The following GRID1 variants were observed in gnomAD, a reference collection of about 807,000 sequenced individuals.
The protein encoded by GRID1 is glutamate receptor ionotropic, delta-1.
In GRID1, 28 loss-of-function variants were observed where a neutral mutation model predicts 98.0. The ratio of observed to expected loss-of-function variants is 0.29; its 90% confidence interval spans 0.21 to 0.39. GRID1 has a LOEUF of 0.39. Among genes scored for constraint, GRID1 ranks in the 10% least tolerant of loss-of-function variants. GRID1 has a pLI of 1.00. For synonymous variants in GRID1, 553 were observed against 538.5 expected (o/e 1.03, Z -0.37); for missense variants, 1,111 against 1,340.5 (o/e 0.83, Z 2.67).
chr10:85,693,069 A>G (rs1337541496), intron 12 of GRID1, among the ~76,000 whole-genome samples: 1 of 152,206 alleles, frequency 6.6e-6, no homozygotes, highest in Non-Finnish European at 1.5e-5. Context: ...ATATGGAGAA[A>G]GATTTGAGGG....
At position 85,675,787 on chromosome 10, in the gene GRID1, C is replaced by T. The variant is rs1717636462; in HGVS notation, c.1998-28390G>A. ...TAACCCACATAGACTAAATTGGAGG[C>T]ATCAGCTTCAGGTGTTCATGAGAAG... On this transcript the variant is annotated intron_variant, in intron 12 of 15. Transcript: ENST00000327946. Among the ~76,000 whole-genome samples the T allele has an allele frequency of 2.6e-5, 4 of 152,220 alleles. No homozygotes were observed. The South Asian group carries it at 8.3e-4, about 32-fold the overall frequency.
chr10:86,253,320 C>G (rs1385608066), intron 2 of GRID1, among the ~76,000 whole-genome samples: 2 of 152,172 alleles, frequency 1.3e-5, no homozygotes, highest in African/African-American at 4.8e-5. Flanking sequence ...GCTGGAGCCC[C>G]AGGACACAGG....
chr10:85,981,411 A>T (rs367750018), intron 4 of GRID1, among the ~76,000 whole-genome samples: 92 of 152,358 alleles, frequency 6.0e-4, no homozygotes, highest in African/African-American at 2.1e-3. Context: ...ATCTGGAAGC[A>T]GCTGGCTGCC....
chr10:86,043,577 G>A (rs1843377839), intron 4 of GRID1, among the ~76,000 whole-genome samples: 2 of 152,338 alleles, frequency 1.3e-5, no homozygotes, highest in African/African-American at 4.8e-5. Context: ...TGGGCAGGCT[G>A]CAGGCTATAG....
chr10:85,886,811 C>A (rs983864515), intron 5 of GRID1, among the ~76,000 whole-genome samples: 10 of 152,122 alleles, frequency 6.6e-5, no homozygotes, highest in African/African-American at 9.7e-5. Flanking sequence ...TTTGTCTGAT[C>A]TGCAAAACTT....
At chr10:86,353,782 G>C (rs1299052325) in intron 2 of GRID1, among the ~76,000 whole-genome samples, 1 of 152,210 alleles carries the variant, frequency 6.6e-6, no homozygotes, top group Non-Finnish European at 1.5e-5. Context: ...TGTGGGAGAG[G>C]TGAGTGAGGG....
chr10:86,158,438 A>G (rs1845276295), intron 3 of GRID1, among the ~76,000 whole-genome samples: 1 of 152,242 alleles, frequency 6.6e-6, no homozygotes, highest in Admixed American at 6.5e-5. Context: ...CACTGGAAGC[A>G]GCTGATGTGC....
At chr10:86,099,326 C>G (rs1401851540) in intron 4 of GRID1, among the ~76,000 whole-genome samples, 1 of 152,220 alleles carries the variant, frequency 6.6e-6, no homozygotes, top group African/African-American at 2.4e-5. Context: ...TTCACAAACA[C>G]ATGCAGATGC....
At position 86,366,007 on chromosome 10, in the gene GRID1, G is replaced by A. The variant is rs1277238138; in HGVS notation, c.79+307C>T. ...AGAAGGGCCCTCCCGACCCGCCGAC[G>A]GCCCCGCTAAGGGCGCGGGTCTCGA... On this transcript the variant is annotated intron_variant, in intron 1 of 15. Transcript: ENST00000327946. The surrounding 1 kb of genome is among the most constrained non-coding windows in gnomAD (Gnocchi z 4.1). Among the ~76,000 whole-genome samples the A allele has an allele frequency of 6.6e-6, 1 of 151,870 alleles. No homozygotes were observed. The highest frequency in any genetic ancestry group is 1.9e-4 in the East Asian group (1 of 5,134).
chr10:85,870,545 T>G (rs1843268587), intron 5 of GRID1, among the ~76,000 whole-genome samples: 1 of 152,168 alleles, frequency 6.6e-6, no homozygotes, highest in Non-Finnish European at 1.5e-5. Context: ...TAATACAGAT[T>G]TTGTTTCTGG....
intron 2 of GRID1, among the ~76,000 whole-genome samples, chr10:86,317,959 T>G (rs937668141): frequency 6.6e-6 from 1 of 152,184 alleles, no homozygotes; most frequent in African/African-American, 2.4e-5. Flanking sequence ...CAGGCTGGTC[T>G]TGAACTCCTG....
At chr10:86,330,815 C>T (rs1589451478) in intron 2 of GRID1, among the ~76,000 whole-genome samples, 1 of 152,230 alleles carries the variant, frequency 6.6e-6, no homozygotes, top group African/African-American at 2.4e-5. Context: ...AAGCCCGCTG[C>T]ACATGGGCAC....
rs935758030 is a variant in GRID1, at chr10:85,631,645, C to T, written c.2194-11612G>A. Among the ~76,000 whole-genome samples, 3 of 152,300 alleles carry T rather than the reference C, an allele frequency of 2.0e-5. No individual in the cohort carries two copies. The East Asian group carries it at 5.8e-4, about 29-fold the overall frequency. ...TATCAACAAAACTAGGGACTATAAACAACCTTGTCAGTAGGGCAAAGGGAC... is the reference window on the plus strand; with the variant it reads ...TATCAACAAAACTAGGGACTATAAATAACCTTGTCAGTAGGGCAAAGGGAC... On this transcript the variant is annotated intron_variant, in intron 13 of 15. Transcript: ENST00000327946.
intron 12 of GRID1, among the ~76,000 whole-genome samples, chr10:85,712,913 A>T (rs1054158438): frequency 6.6e-6 from 1 of 151,886 alleles, no homozygotes; most frequent in East Asian, 1.9e-4. Flanking sequence ...AATAGGATGC[A>T]GCAAGAGCCC....
intron 8 of GRID1, among the ~76,000 whole-genome samples, chr10:85,770,394 A>G (rs1255341624): frequency 3.3e-5 from 5 of 152,178 alleles, no homozygotes; most frequent in African/African-American, 1.2e-4. Flanking sequence ...GAGCAGAAAA[A>G]CTGGAAACTA....
chr10:85,916,307 C>T lies in GRID1; in HGVS notation c.727-68G>A, dbSNP rs372370607. On this transcript the variant is annotated intron_variant, in intron 4 of 15. Transcript: ENST00000327946. This position sits in a 1 kb window ranked among gnomAD's most constrained non-coding sequence, Gnocchi z 4.0. ...AAGCTGGCAGACACAGGATGATTGCCGAGACAGAGTTTTATAAACATTGTT... is the reference window on the plus strand; with the variant it reads ...AAGCTGGCAGACACAGGATGATTGCTGAGACAGAGTTTTATAAACATTGTT... 39 of 1,127,870 alleles carry T rather than the reference C, an allele frequency of 3.5e-5. No individual in the cohort carries two copies. The highest frequency in any genetic ancestry group is 9.4e-5 in the East Asian group (4 of 42,658). The allele number at this position is 1,127,870 out of a possible 1,614,324, so 69.9% of individuals were successfully genotyped here.
At chr10:86,287,580 C>T (rs1037318119) in intron 2 of GRID1, among the ~76,000 whole-genome samples, 32 of 152,344 alleles carry the variant, frequency 2.1e-4, no homozygotes, top group South Asian at 6.2e-4. Flanking sequence ...TGGGTCCTTA[C>T]TTCCTAGCCC....
chr10:85,826,098 G>A (rs574992156), intron 8 of GRID1, among the ~76,000 whole-genome samples: 19 of 152,170 alleles, frequency 1.2e-4, no homozygotes, highest in African/African-American at 4.1e-4. Flanking sequence ...AGGCTGAGGC[G>A]GGTGGATCAC....
chr10:85,866,299 A>G (rs1377011927), intron 6 of GRID1, among the ~76,000 whole-genome samples: 3 of 135,792 alleles, frequency 2.2e-5, no homozygotes, highest in African/African-American at 8.5e-5. Flanking sequence ...AGACTAAATC[A>G]CACCAAAAAA....
Sources: gnomAD v4.1 joint callset for allele counts (sites outside exome capture counted in the v4.1 genomes callset) on GRCh38, gnomAD v4.1.1 for gene constraint, Gnocchi (gnomAD v3.1) non-coding constraint, MANE v1.5 for transcripts, NCBI Gene and HGNC (gene_info 2026-07-23, HGNC 2026-07-21) for gene names.